CHD7: variants seen among roughly 807,000 people sequenced by gnomAD.
CHD7 encodes the protein ATP-dependent chromatin remodeler CHD7.
A neutral mutation model predicts 307.3 loss-of-function variants in CHD7; 24 were observed. The ratio of observed to expected loss-of-function variants is 0.08; its 90% CI spans 0.06 to 0.11. The LOEUF (loss-of-function observed/expected upper bound fraction) is 0.11, where lower values mean the gene tolerates loss of function less well. Ranked by LOEUF, CHD7 falls within the 10% of genes least tolerant of loss-of-function variation. CHD7 has a pLI of 1.00. For synonymous variants in CHD7, 1,363 were observed against 1,349.9 expected, an observed-to-expected ratio of 1.01 and a Z score of -0.21; for missense variants, 3,106 against 3,727.1, an observed-to-expected ratio of 0.83 and a Z score of 4.34.
chr8:60,811,145 G>A (rs1219606899), intron 7 of CHD7, among the ~76,000 whole-genome samples: 1 of 152,158 alleles, frequency 6.6e-6, no homozygotes, highest in Admixed American at 6.5e-5. Context: ...CAAAAAGGTT[G>A]GGGCCTCATG....
intron 13 of CHD7, among the ~76,000 whole-genome samples, chr8:60,826,807 T>C (rs1804273216): frequency 6.6e-6 from 1 of 152,164 alleles, no homozygotes; most frequent in African/African-American, 2.4e-5. Flanking sequence ...TTGATTCTAG[T>C]ATCTCTTTCA....
chr8:60,857,279 G>T (rs1255102796), intron 34 of CHD7, among the ~76,000 whole-genome samples: 1 of 152,132 alleles, frequency 6.6e-6, no homozygotes. Context: ...TAAGATTTGG[G>T]TTAACATAAA....
chr8:60,771,139 A>G (rs1810688131), intron 2 of CHD7, among the ~76,000 whole-genome samples: 2 of 152,364 alleles, frequency 1.3e-5, no homozygotes, highest in African/African-American at 2.4e-5. Flanking sequence ...ACAAAGGCTT[A>G]ATGAAGGAAG....
chr8:60,761,348 G>C (rs1487952401), intron 2 of CHD7, among the ~76,000 whole-genome samples: 19 of 117,886 alleles, frequency 1.6e-4, no homozygotes, highest in Admixed American at 1.6e-3. Flanking sequence ...GTTGTGGGGT[G>C]GGGGGAGGGG....
At chr8:60,792,512 C>T (rs1227929361) in intron 3 of CHD7, among the ~76,000 whole-genome samples, 1 of 152,098 alleles carries the variant, frequency 6.6e-6, no homozygotes, top group Non-Finnish European at 1.5e-5. Context: ...GAAATCTTTC[C>T]ATACTCAGAT....
At position 60,838,192 on chromosome 8, in the gene CHD7, C is replaced by A; in HGVS notation, c.4470C>A (p.Ile1490=). The A allele has an allele frequency of 6.3e-7, 1 of 1,599,660 alleles. No individual in the cohort carries two copies. The highest frequency in any genetic ancestry group is 1.1e-5 in the South Asian group (1 of 88,018). ...TCTGTGAAGAAGATATTGATCAGAT[C>A]CTCCTACGTCGAACCCACACCATTA... ...SKFCEEDIDQ[I]LLRRTHTITI... The change falls in exon 19 of 38, where the codon ATC becomes ATA. Residue 1490 remains isoleucine (I), a synonymous_variant. Coordinates refer to ENST00000423902, the MANE Select transcript of CHD7 (RefSeq NM_017780.4).
chr8:60,720,594 C>G (rs991021962), intron 1 of CHD7, among the ~76,000 whole-genome samples: 2 of 152,206 alleles, frequency 1.3e-5, no homozygotes, highest in Non-Finnish European at 2.9e-5. Flanking sequence ...CTTCTGTGAT[C>G]GCCTTCTGTG....
intron 1 of CHD7, among the ~76,000 whole-genome samples, chr8:60,688,579 A>G (rs1410758861): frequency 6.6e-6 from 1 of 152,148 alleles, no homozygotes; most frequent in African/African-American, 2.4e-5. Context: ...TTATTTGCCT[A>G]ATTCTCTTGT....
chr8:60,858,612 CAG>C (rs369199668), intron 34 of CHD7, among the ~76,000 whole-genome samples: 43 of 152,144 alleles, frequency 2.8e-4, no homozygotes, highest in African/African-American at 9.2e-4. Flanking sequence ...GTTTTTGAAA[CAG>C]GGTTTGTTTT....
intron 1 of CHD7, among the ~76,000 whole-genome samples, chr8:60,689,465 A>G (rs1029005256): frequency 6.6e-6 from 1 of 152,224 alleles, no homozygotes; most frequent in African/African-American, 2.4e-5. Context: ...TGTTTAATAA[A>G]TTTGTCTAAG....
At position 60,822,694 on chromosome 8, in the gene CHD7, A is replaced by G; in HGVS notation, c.3149A>G (p.Gln1050Arg). ...AACGTGGTTGTGTATCATGGGAGTC[A>G]AGCTAGTCGTCGGACCATTCAGTTG... ...ELNVVVYHGS[Q>R]ASRRTIQLYE... The change falls in exon 12 of 38, where the codon CAA becomes CGA. Residue 1050 changes from glutamine to arginine, a missense_variant. Gln to Arg is a conservative substitution (Grantham distance 43). Transcript: ENST00000423902. 1 of 1,613,764 alleles carries G rather than the reference A, an allele frequency of 6.2e-7. No individual in the cohort carries two copies. The highest frequency in any genetic ancestry group is 8.5e-7 in the Non-Finnish European group (1 of 1,179,688).
chr8:60,711,930 A>G (rs1047473102), intron 1 of CHD7, among the ~76,000 whole-genome samples: 1 of 152,202 alleles, frequency 6.6e-6, no homozygotes, highest in Non-Finnish European at 1.5e-5. Context: ...AAACCACCAA[A>G]TGGCTGGTTG....
Position 60,741,729 on chromosome 8 carries a change from G to T in CHD7, c.297G>T (p.Ala99=). The change falls in exon 2 of 38, where the codon GCG becomes GCT. Residue 99 remains alanine, a synonymous_variant. Coordinates refer to ENST00000423902, the MANE Select transcript of CHD7 (RefSeq NM_017780.4). ...GCAACACCCCTGGGAACGGACTCGC[G>T]TCTCCGCACTCGCAGTATCACACCC... ...MMSNTPGNGL[A]SPHSQYHTPP... is the part of the protein sequence containing the mutation. 1 of 1,613,966 alleles carries T rather than the reference G, an allele frequency of 6.2e-7. No homozygotes were observed. The highest frequency in any genetic ancestry group is 8.5e-7 in the Non-Finnish European group (1 of 1,179,866).
At chr8:60,687,295 G>A (rs908673194) in intron 1 of CHD7, among the ~76,000 whole-genome samples, 6 of 86,750 alleles carry the variant, frequency 6.9e-5, no homozygotes, top group Admixed American at 3.9e-4. Flanking sequence ...TTGAGCACAG[G>A]AATATGATAA....
At chr8:60,793,548 C>G (rs114764537) in intron 3 of CHD7, among the ~76,000 whole-genome samples, 2,358 of 152,220 alleles carry the variant, frequency 0.015, 55 homozygotes, top group African/African-American at 0.054. Context: ...AAATATTTTA[C>G]ATGACATATG....
At chr8:60,747,882 A>T in intron 2 of CHD7, among the ~76,000 whole-genome samples, 1 of 152,246 alleles carries the variant, frequency 6.6e-6, no homozygotes, top group East Asian at 1.9e-4. Flanking sequence ...GCTCAGTGAG[A>T]TTAGTAGTAA....
chr8:60,720,433 T>C (rs1807840802), intron 1 of CHD7, among the ~76,000 whole-genome samples: 1 of 152,232 alleles, frequency 6.6e-6, no homozygotes, highest in Admixed American at 6.5e-5. Context: ...TTTTGTGCAC[T>C]CACCAACTGT....
chr8:60,741,406 T>C lies in CHD7; in HGVS notation c.-27T>C. ...GCACAGGCAAGCTCCTGAGCTGTGG[T>C]TTGGAGGAGCCGTGTGTTGGAAGAA... On this transcript the variant is annotated 5_prime_UTR_variant, in exon 2 of 38. Coordinates refer to ENST00000423902, the MANE Select transcript of CHD7 (RefSeq NM_017780.4). 1 of 1,548,314 alleles carries C rather than the reference T, an allele frequency of 6.5e-7. No individual in the cohort carries two copies. Among genetic ancestry groups the C allele is most frequent in the Non-Finnish European group, 8.8e-7 (1 of 1,137,620 alleles).
intron 4 of CHD7, among the ~76,000 whole-genome samples, chr8:60,799,683 CTT>C (rs1295062156): frequency 6.6e-6 from 1 of 151,836 alleles, no homozygotes; most frequent in African/African-American, 2.4e-5. Flanking sequence ...TTTTTTTGGA[CTT>C]TTTATATGGG....
Sources: gnomAD v4.1 joint callset for allele counts (sites outside exome capture counted in the v4.1 genomes callset) on GRCh38, gnomAD v4.1.1 for gene constraint, MANE v1.5 for transcripts, NCBI Gene and HGNC (gene_info 2026-07-23, HGNC 2026-07-21) for gene names.